Variants in PPP1R10 observed in about 807,000 individuals in gnomAD.
PPP1R10 encodes serine/threonine-protein phosphatase 1 regulatory subunit 10.
A neutral mutation model predicts 99.0 loss-of-function variants in PPP1R10; 15 were observed. That is an observed-to-expected ratio of 0.15 (90% CI 0.10 to 0.23). PPP1R10 has a LOEUF of 0.23. Among genes scored for constraint, PPP1R10 ranks in the 10% least tolerant of loss-of-function variants. PPP1R10 has a pLI of 1.00. For missense variants in PPP1R10, 947 were observed against 1,259.4 expected (o/e 0.75, Z 3.75); for synonymous variants, 430 against 449.5 (o/e 0.96, Z 0.55).
rs775110834 is a variant in PPP1R10 at position 30,602,931 on chromosome 6, T to C, written c.1872A>G (p.Pro624=). The change falls in exon 18 of 20, where the codon CCA becomes CCG. Residue 624 remains proline, a synonymous_variant. Coordinates refer to ENST00000376511, the MANE Select transcript of PPP1R10 (RefSeq NM_002714.4). The surrounding 1 kb of genome is among the most constrained non-coding windows in gnomAD (Gnocchi z 6.7). ...CCCCTGGTGGGAAACCATTGGCTAT[T>C]GGGCCAGGGCCTAGGAGTCCATGTG... The part of the protein sequence containing the change: ...LVPHGLLGPG[P]IANGFPPGGP... 15 of 1,554,150 alleles carry C rather than the reference T, an allele frequency of 9.7e-6. No homozygotes were observed. In the African/African-American group the frequency reaches 1.5e-4, roughly 16 times the overall value.
chr6:30,608,042 G>GC lies in PPP1R10; in HGVS notation c.331-152dup. The GC allele has an allele frequency of 4.0e-6, 3 of 752,002 alleles. No individual in the cohort carries two copies. The South Asian group carries it at 5.5e-5, about 14-fold the overall frequency. 46.6% of individuals were successfully genotyped at this position (752,002 alleles called of 1,614,324 possible). On this transcript the variant is annotated intron_variant, in intron 5 of 19. Coordinates refer to ENST00000376511, the MANE Select transcript of PPP1R10 (RefSeq NM_002714.4). Reference sequence around the variant, plus strand: ...CTCACTCTGTTGCCCAGGCTAGAGTGCAGTGGCGCAGTCTTGGCTCACTGC... The same window carrying GC: ...CTCACTCTGTTGCCCAGGCTAGAGTGCCAGTGGCGCAGTCTTGGCTCACTGC...
At chr6:30,615,707 AT>A (rs1025786247) in intron 2 of PPP1R10, among the ~76,000 whole-genome samples, 4 of 152,336 alleles carry the variant, frequency 2.6e-5, no homozygotes, top group Non-Finnish European at 5.9e-5. Context: ...CCACCAAAAA[AT>A]ATCAAGTTAA....
intron 16 of PPP1R10, 61 bp from the exon 17 acceptor site, chr6:30,603,346 T>A (rs1034910397): frequency 1.3e-6 from 2 of 1,582,980 alleles, no homozygotes; most frequent in Non-Finnish European, 1.7e-6. Context: ...TGGCGAAAGA[T>A]AGCGCCAAAG....
In PPP1R10 at chr6:30,600,755, C is replaced by G. The variant is rs544236208; in HGVS notation, c.*794G>C. The G allele has an allele frequency of 2.6e-5, 4 of 152,674 alleles. No individual in the cohort carries two copies. The East Asian group carries it at 7.7e-4, about 30-fold the overall frequency. The allele number at this position is 152,674 out of a possible 1,614,324, so 9.5% of individuals were successfully genotyped here. On this transcript the variant is annotated 3_prime_UTR_variant, in exon 20 of 20. Coordinates refer to ENST00000376511, the MANE Select transcript of PPP1R10 (RefSeq NM_002714.4). Reference sequence around the variant, plus strand: ...TGTAGTGTGACTTTCAGGCCCAGCACGCCGGGCCCAAGTTGATGAGAAGCT... The same window carrying G: ...TGTAGTGTGACTTTCAGGCCCAGCAGGCCGGGCCCAAGTTGATGAGAAGCT...
chr6:30,602,362 T>G lies in PPP1R10; in HGVS notation c.2287A>C (p.Asn763His), dbSNP rs1158362711. The change falls in exon 19 of 20, where the codon AAC becomes CAC. Residue 763 changes from asparagine (N) to histidine (H), a missense_variant. By Grantham distance (68) the Asn-to-His change is moderately conservative. Around this residue, in one of 10 missense-constraint regions of PPP1R10, gnomAD observed 525 missense variants for 578.8 expected, o/e 0.91. Transcript: ENST00000376511. The surrounding 1 kb of genome is among the most constrained non-coding windows in gnomAD (Gnocchi z 6.7). Reference protein sequence around the residue: ...PHEGPGGGMGNSSGHRPHEGP... With the variant: ...PHEGPGGGMGHSSGHRPHEGP... Reference sequence around the variant, plus strand: ...TCGTGGGGACGATGTCCACTGCTGTTGCCCATGCCCCCACCAGGGCCTTCG... The same window carrying G: ...TCGTGGGGACGATGTCCACTGCTGTGGCCCATGCCCCCACCAGGGCCTTCG... 6.2e-7 allele frequency: 1 copy of G among 1,611,734 alleles called. No individual in the cohort carries two copies. Among genetic ancestry groups the G allele is most frequent in the South Asian group, 1.1e-5 (1 of 91,036 alleles).
At position 30,604,548 on chromosome 6, in the gene PPP1R10, T is replaced by C; in HGVS notation, c.1103-37A>G. On this transcript the variant is annotated intron_variant, in intron 12 of 19. Coordinates refer to ENST00000376511, the MANE Select transcript of PPP1R10 (RefSeq NM_002714.4). The surrounding 1 kb of genome is among the most constrained non-coding windows in gnomAD (Gnocchi z 7.3). Reference sequence around the variant, plus strand: ...AGAGGTTTCAGACCCAGATCCCTCCTTTCAGAAAACCCCCCAAACTGAACC... The same window carrying C: ...AGAGGTTTCAGACCCAGATCCCTCCCTTCAGAAAACCCCCCAAACTGAACC... 2 of 1,612,750 alleles carry C rather than the reference T, an allele frequency of 1.2e-6. No homozygotes were observed. The highest frequency in any genetic ancestry group is 1.7e-5 in the Admixed American group (1 of 59,970).
In PPP1R10 at chr6:30,616,660, C is replaced by T. The variant is rs1000442325; in HGVS notation, c.-194G>A. 1 of 152,090 alleles carries T rather than the reference C, an allele frequency of 6.6e-6. No homozygotes were observed. The highest frequency in any genetic ancestry group is 1.5e-5 in the Non-Finnish European group (1 of 68,024). 9.4% of individuals were successfully genotyped at this position (152,090 alleles called of 1,614,324 possible). A position where few individuals can be genotyped will look rare whatever the true frequency, so the allele number is the denominator to read the frequency against. Reference sequence around the variant, plus strand: ...GTATTCATTTCCCCCCCACCCAACTCCATTTAGGGAGGGGGGTCGCAGAAA... The same window carrying T: ...GTATTCATTTCCCCCCCACCCAACTTCATTTAGGGAGGGGGGTCGCAGAAA... On this transcript the variant is annotated 5_prime_UTR_variant, in exon 2 of 20. Coordinates refer to ENST00000376511, the MANE Select transcript of PPP1R10 (RefSeq NM_002714.4).
chr6:30,601,607 C>T lies in PPP1R10; in HGVS notation c.2765G>A (p.Arg922His), dbSNP rs377763869. 3 of 1,614,088 alleles carry T rather than the reference C, an allele frequency of 1.9e-6. No homozygotes were observed. Among genetic ancestry groups the T allele is most frequent in the Non-Finnish European group, 2.5e-6 (3 of 1,180,008 alleles). Residue 922 changes from arginine to histidine, a missense_variant, in exon 20 of 20, where the codon CGC (arginine) becomes CAC (histidine). Around this residue, in one of 10 missense-constraint regions of PPP1R10, gnomAD observed 17 missense variants for 46.4 expected, o/e 0.37. Coordinates refer to ENST00000376511, the MANE Select transcript of PPP1R10 (RefSeq NM_002714.4). The stretch of plus-strand genomic sequence containing the variant: ...GTAGAAGGCACAGTTGTTCTCATAG[C>T]GGCAGTTGCCCTTCATCATGAAATG... ...CRHFMMKGNC[R>H]YENNCAFYHP...
intron 10 of PPP1R10, 55 bp from the exon 11 acceptor site, chr6:30,605,149 A>G (rs1803798193): frequency 6.8e-7 from 1 of 1,475,846 alleles, no homozygotes; most frequent in South Asian, 1.2e-5. Flanking sequence ...ATAATCCTAC[A>G]CCTGCAAACA....
intron 2 of PPP1R10, among the ~76,000 whole-genome samples, chr6:30,615,182 C>A (rs1032073248): frequency 1.3e-5 from 2 of 151,298 alleles, no homozygotes; most frequent in African/African-American, 4.9e-5. Context: ...TAAAAAGCCA[C>A]CCGGCTCTGC....
chr6:30,601,881 C>T lies in PPP1R10; in HGVS notation c.2713+55G>A, dbSNP rs1345888988. ...ACAGTAGTGACTCTCACCCACTCCC[C>T]AAAAGCTTGTATGGGACAACCAAAA... is the stretch of plus-strand genomic sequence containing the variant. On this transcript the variant is annotated intron_variant, in intron 19 of 19. Transcript: ENST00000376511. 4 of 1,455,040 alleles carry T rather than the reference C, an allele frequency of 2.7e-6. No homozygotes were observed. In the Admixed American group the frequency reaches 8.3e-5, roughly 30 times the overall value. 90.1% of individuals were successfully genotyped at this position (1,455,040 alleles called of 1,614,324 possible).
rs2127436504 is a variant in PPP1R10 at position 30,602,813 on chromosome 6, T to A, written c.1957+33A>T. The A allele has an allele frequency of 6.5e-7, 1 of 1,546,500 alleles. No individual in the cohort carries two copies. Among genetic ancestry groups the A allele is most frequent in the Admixed American group, 2.0e-5 (1 of 51,104 alleles). On this transcript the variant is annotated intron_variant, in intron 18 of 19. Coordinates refer to ENST00000376511, the MANE Select transcript of PPP1R10 (RefSeq NM_002714.4). This position sits in a 1 kb window ranked among gnomAD's most constrained non-coding sequence, Gnocchi z 6.7. ...TATTATCAGACTGAAATTAAGCAGATAAGCCCATTCCAACCTTTTACTCAC... is the reference window on the plus strand; with the variant it reads ...TATTATCAGACTGAAATTAAGCAGAAAAGCCCATTCCAACCTTTTACTCAC...
intron 2 of PPP1R10, among the ~76,000 whole-genome samples, chr6:30,615,843 T>C (rs1267551701): frequency 6.6e-6 from 1 of 152,218 alleles, no homozygotes; most frequent in African/African-American, 2.4e-5. Context: ...CCTAAGTGTC[T>C]TGCAATCTTT....
At chr6:30,603,120 T>C in intron 17 of PPP1R10, 90 bp downstream of exon 17, 2 of 1,483,578 alleles carry the variant, frequency 1.3e-6, no homozygotes, top group South Asian at 1.1e-5. Flanking sequence ...GCCACAGCCC[T>C]GTATTCTTCT....
In PPP1R10 at chr6:30,616,527, T is replaced by A. The variant is rs1350961948; in HGVS notation, c.-61A>T. The stretch of plus-strand genomic sequence containing the variant: ...CACCTCGGGCTCAGGGGGGAGGGGG[T>A]AAAATTTTGGAGGAAAAAAAATAAA... On this transcript the variant is annotated 5_prime_UTR_variant, in exon 2 of 20. Coordinates refer to ENST00000376511, the MANE Select transcript of PPP1R10 (RefSeq NM_002714.4). The A allele has an allele frequency of 1.3e-5, 2 of 151,376 alleles. No homozygotes were observed. Among genetic ancestry groups the A allele is most frequent in the Non-Finnish European group, 2.9e-5 (2 of 67,866 alleles). 9.4% of individuals were successfully genotyped at this position (151,376 alleles called of 1,614,324 possible). A position where few individuals can be genotyped will look rare whatever the true frequency, so the allele number is the denominator to read the frequency against.
intron 2 of PPP1R10, 139 bp from the exon 3 acceptor site, chr6:30,610,094 T>C (rs1304653165): frequency 3.1e-6 from 2 of 640,840 alleles, no homozygotes; most frequent in Admixed American, 2.9e-5. Flanking sequence ...ATTTTTTAGA[T>C]ATGAAAAATC....
In PPP1R10 at chr6:30,603,290, G is replaced by A; in HGVS notation, c.1768-5C>T. On this transcript the variant is annotated splice_polypyrimidine_tract_variant and splice_region_variant and intron_variant, in intron 16 of 19. Coordinates refer to ENST00000376511, the MANE Select transcript of PPP1R10 (RefSeq NM_002714.4). The stretch of plus-strand genomic sequence containing the variant: ...AGGATGACTGTTTGGGCTACCCTGT[G>A]AGGATGTAAGAAGGCAAAGTCAACA... 1 of 1,611,226 alleles carries A rather than the reference G, an allele frequency of 6.2e-7. No homozygotes were observed. The highest frequency in any genetic ancestry group is 8.5e-7 in the Non-Finnish European group (1 of 1,177,356).
rs1180548928 is a variant in PPP1R10 at position 30,604,875 on chromosome 6, T to C, written c.954+119A>G. ...CTCCACAATGTCTCACCTGCACCAG[T>C]CTATATCCAAGGCAAAACGCCTCTT... On this transcript the variant is annotated intron_variant, in intron 11 of 19. Coordinates refer to ENST00000376511, the MANE Select transcript of PPP1R10 (RefSeq NM_002714.4). The surrounding 1 kb of genome is among the most constrained non-coding windows in gnomAD (Gnocchi z 7.3). The C allele has an allele frequency of 5.3e-6, 8 of 1,510,220 alleles. No individual in the cohort carries two copies. The South Asian group carries it at 5.6e-5, about 11-fold the overall frequency. The allele number at this position is 1,510,220 out of a possible 1,614,324, so 93.6% of individuals were successfully genotyped here.
At position 30,604,571 on chromosome 6, in the gene PPP1R10, A is replaced by G. The variant is rs752461054; in HGVS notation, c.1102+17T>C. 5 of 1,612,720 alleles carry G rather than the reference A, an allele frequency of 3.1e-6. No individual in the cohort carries two copies. The East Asian group carries it at 1.1e-4, about 36-fold the overall frequency. ...CCTTTCAGAAAACCCCCCAAACTGA[A>G]CCAGTTTCTAGATTACCTGTATCCA... On this transcript the variant is annotated intron_variant, in intron 12 of 19. Transcript: ENST00000376511. This position sits in a 1 kb window ranked among gnomAD's most constrained non-coding sequence, Gnocchi z 7.3.
Sources: gnomAD v4.1 joint callset for allele counts (sites outside exome capture counted in the v4.1 genomes callset) on GRCh38, gnomAD v4.1.1 for gene constraint, gnomAD v4.1.1 regional missense constraint, Gnocchi (gnomAD v3.1) non-coding constraint, MANE v1.5 for transcripts, NCBI Gene and HGNC (gene_info 2026-07-23, HGNC 2026-07-21) for gene names.